The following RALYL variants were observed in gnomAD, a reference collection of about 807,000 sequenced individuals.
RALYL encodes the protein RNA-binding Raly-like protein.
In RALYL, 29 loss-of-function variants were observed where a neutral mutation model predicts 35.1. The observed-to-expected ratio is 0.83, with a 90% CI of 0.61 to 1.13. RALYL has a LOEUF of 1.13. RALYL is among the 50% of genes most tolerant of loss of function. The probability of loss-of-function intolerance (pLI) is 0.00; values close to 1 mark genes in which losing one functional copy is unlikely to be tolerated. For synonymous variants in RALYL, 120 were observed against 127.6 expected, an observed-to-expected ratio of 0.94 and a Z score of 0.40; for missense variants, 359 against 360.4, an observed-to-expected ratio of 1.00 and a Z score of 0.03.
At chr8:84,387,944 C>G (rs1859628401) in intron 1 of RALYL, among the ~76,000 whole-genome samples, 1 of 151,864 alleles carries the variant, frequency 6.6e-6, no homozygotes, top group Admixed American at 6.6e-5. Context: ...ACTGCACCCA[C>G]TAACTCGTCA....
At position 84,921,093 on chromosome 8, in the gene RALYL, G is replaced by T; in HGVS notation, c.*182G>T. On this transcript the variant is annotated 3_prime_UTR_variant, in exon 9 of 9. Coordinates refer to ENST00000521268, the MANE Select transcript of RALYL (RefSeq NM_173848.7). ...TTCCATTTCTTCTATGTTTTAAGCTGTACAATTGTCAGGTTTTTATGGTTT... is the reference window on the plus strand; with the variant it reads ...TTCCATTTCTTCTATGTTTTAAGCTTTACAATTGTCAGGTTTTTATGGTTT... 1 of 398,912 alleles carries T rather than the reference G, an allele frequency of 2.5e-6. No individual in the cohort carries two copies. The highest frequency in any genetic ancestry group is 1.1e-4 in the South Asian group (1 of 8,912). 24.7% of individuals were successfully genotyped at this position (398,912 alleles called of 1,614,324 possible).
intron 1 of RALYL, among the ~76,000 whole-genome samples, chr8:84,192,908 G>T (rs199522273): frequency 0.024 from 3,257 of 136,384 alleles, 98 homozygotes; most frequent in Middle Eastern, 0.026. Context: ...TGTGTGTGTG[G>T]GGGGGGGGGT....
intron 1 of RALYL, among the ~76,000 whole-genome samples, chr8:84,477,226 T>C (rs1197083329): frequency 6.6e-6 from 1 of 152,060 alleles, no homozygotes; most frequent in East Asian, 1.9e-4. Flanking sequence ...TAGCCCTAAT[T>C]CTTTACAACT....
At chr8:84,239,571 T>C (rs960856148) in intron 1 of RALYL, among the ~76,000 whole-genome samples, 1 of 152,098 alleles carries the variant, frequency 6.6e-6, no homozygotes, top group Non-Finnish European at 1.5e-5. Flanking sequence ...ATCACTCAGA[T>C]AGTAGCTGCC....
intron 8 of RALYL, among the ~76,000 whole-genome samples, chr8:84,920,357 T>TTCAGAC (rs1380270824): frequency 3.6e-4 from 55 of 152,146 alleles, no homozygotes; most frequent in Admixed American, 3.3e-3. Flanking sequence ...TACATAATGC[T>TTCAGAC]TCAGACTCAT....
intron 1 of RALYL, among the ~76,000 whole-genome samples, chr8:84,428,221 T>C (rs950735107): frequency 2.0e-5 from 3 of 152,274 alleles, no homozygotes; most frequent in African/African-American, 2.4e-5. Context: ...CTATTAGTTA[T>C]AGTTTTCTTT....
At chr8:84,905,791 G>C (rs1846395976) in intron 8 of RALYL, among the ~76,000 whole-genome samples, 1 of 150,760 alleles carries the variant, frequency 6.6e-6, no homozygotes, top group Admixed American at 6.6e-5. Context: ...CTGCCTCCCG[G>C]GTTCAAGCAA....
chr8:84,844,859 A>G (rs1834264443), intron 4 of RALYL, among the ~76,000 whole-genome samples: 2 of 152,116 alleles, frequency 1.3e-5, no homozygotes, highest in Non-Finnish European at 2.9e-5. Context: ...CCAGCAAACT[A>G]TGGCAAGGAC....
At chr8:84,694,853 G>A (rs1159231627) in intron 2 of RALYL, among the ~76,000 whole-genome samples, 1 of 151,830 alleles carries the variant, frequency 6.6e-6, no homozygotes, top group Non-Finnish European at 1.5e-5. Context: ...TATTTGATAT[G>A]TGTTTTGAAC....
At chr8:84,755,175 G>C (rs1224852388) in intron 2 of RALYL, among the ~76,000 whole-genome samples, 5 of 152,172 alleles carry the variant, frequency 3.3e-5, no homozygotes, top group Non-Finnish European at 1.5e-5. Context: ...TGATGCTAGA[G>C]AGTGGATAGA....
At chr8:84,329,437 T>G (rs1286592784) in intron 1 of RALYL, among the ~76,000 whole-genome samples, 1 of 152,168 alleles carries the variant, frequency 6.6e-6, no homozygotes, top group Non-Finnish European at 1.5e-5. Context: ...CTTTGCCCAC[T>G]TTTTATGGGA....
chr8:84,904,996 G>A (rs548106536), intron 8 of RALYL, among the ~76,000 whole-genome samples: 33 of 152,214 alleles, frequency 2.2e-4, no homozygotes, highest in African/African-American at 7.2e-4. Flanking sequence ...TTAAGGGTAC[G>A]ATACAGTATT....
intron 2 of RALYL, among the ~76,000 whole-genome samples, chr8:84,657,248 G>A (rs1323043453): frequency 6.6e-6 from 1 of 152,074 alleles, no homozygotes; most frequent in Non-Finnish European, 1.5e-5. Flanking sequence ...AAACCATCCG[G>A]AACTGTGTCT....
intron 1 of RALYL, among the ~76,000 whole-genome samples, chr8:84,426,489 A>G (rs1473679824): frequency 5.5e-5 from 8 of 146,338 alleles, no homozygotes; most frequent in Non-Finnish European, 1.1e-4. Context: ...TAGATTTCAC[A>G]TATAAGTGAG....
At chr8:84,204,381 G>A (rs1817608162) in intron 1 of RALYL, among the ~76,000 whole-genome samples, 1 of 152,040 alleles carries the variant, frequency 6.6e-6, no homozygotes, top group South Asian at 2.1e-4. Context: ...TTAAAAAATG[G>A]GGAATAAGGT....
chr8:84,887,791 T>C lies in RALYL; in HGVS notation c.858+15T>C. ...GTCATGAGCTGGTAGGAAAGAAACATTTGGTATTCACACCCTTTGGGTAAC... is the reference window on the plus strand; with the variant it reads ...GTCATGAGCTGGTAGGAAAGAAACACTTGGTATTCACACCCTTTGGGTAAC... On this transcript the variant is annotated intron_variant, in intron 8 of 8. Coordinates refer to ENST00000521268, the MANE Select transcript of RALYL (RefSeq NM_173848.7). 6.2e-7 allele frequency: 1 copy of C among 1,606,380 alleles called. No homozygotes were observed. Among genetic ancestry groups the C allele is most frequent in the Non-Finnish European group, 8.5e-7 (1 of 1,176,366 alleles).
intron 8 of RALYL, among the ~76,000 whole-genome samples, chr8:84,910,987 C>G (rs1847414744): frequency 6.6e-6 from 1 of 151,966 alleles, no homozygotes; most frequent in African/African-American, 2.4e-5. Flanking sequence ...TACTAAGCAA[C>G]AAATAGATTT....
intron 1 of RALYL, among the ~76,000 whole-genome samples, chr8:84,382,173 C>T (rs2131615113): frequency 6.7e-6 from 1 of 148,282 alleles, no homozygotes. Flanking sequence ...AGTTAAAATA[C>T]ATTTGGGATG....
chr8:84,412,267 A>C (rs1320078351), intron 1 of RALYL, among the ~76,000 whole-genome samples: 1 of 151,974 alleles, frequency 6.6e-6, no homozygotes, highest in African/African-American at 2.4e-5. Context: ...GATGTTATCA[A>C]ATTTGGAAAA....
Sources: allele counts gnomAD v4.1 joint callset (sites outside exome capture counted in the v4.1 genomes callset), GRCh38; gene constraint gnomAD v4.1.1; transcripts MANE v1.5; gene names NCBI Gene and HGNC (gene_info 2026-07-23, HGNC 2026-07-21).